The following CPN1 variants were observed in gnomAD, a reference collection of about 807,000 sequenced individuals.
CPN1 encodes carboxypeptidase N catalytic chain.
A neutral mutation model predicts 46.4 loss-of-function variants in CPN1; 37 were observed. The observed-to-expected ratio is 0.80, with a 90% CI of 0.61 to 1.05. The LOEUF (loss-of-function observed/expected upper bound fraction) is 1.05, where lower values mean the gene tolerates loss of function less well. Among genes scored for constraint, CPN1 ranks in the 50% least tolerant of loss-of-function variants. The pLI is 0.00. For synonymous variants in CPN1, 224 were observed against 235.4 expected (o/e 0.95, Z 0.44); for missense variants, 563 against 602.6 (o/e 0.93, Z 0.69).
At chr10:100,049,994 T>A (rs1035877671) in intron 7 of CPN1, among the ~76,000 whole-genome samples, 16 of 152,268 alleles carry the variant, frequency 1.1e-4, no homozygotes, top group Admixed American at 5.9e-4. Context: ...GATGTCTATC[T>A]AAAGAAATAA....
chr10:100,048,885 C>A lies in CPN1; in HGVS notation c.1112-9G>T. 1 of 1,591,774 alleles carries A rather than the reference C, an allele frequency of 6.3e-7. No individual in the cohort carries two copies. Among genetic ancestry groups the A allele is most frequent in the South Asian group, 1.1e-5 (1 of 90,504 alleles). On this transcript the variant is annotated splice_polypyrimidine_tract_variant and intron_variant, in intron 7 of 8. Transcript: ENST00000370418. ...GTAATCACCATGGTCACCTGAAAGT[C>A]ACAAAGATATAACTCAGTCTACTGA...
chr10:100,074,484 C>T (rs1289600049), intron 2 of CPN1, among the ~76,000 whole-genome samples: 9 of 152,170 alleles, frequency 5.9e-5, no homozygotes, highest in East Asian at 1.9e-4. Flanking sequence ...GGCACGATCT[C>T]GGCTCACCAC....
chr10:100,053,937 G>A (rs1326083094), intron 7 of CPN1, among the ~76,000 whole-genome samples: 7 of 151,934 alleles, frequency 4.6e-5, no homozygotes, highest in Admixed American at 1.3e-4. Flanking sequence ...CCAAGTCAGC[G>A]ACAAGGCTAA....
Position 100,065,266 on chromosome 10 carries a change from G to C in CPN1, c.681C>G (p.Asp227Glu). 1 of 1,614,160 alleles carries C rather than the reference G, an allele frequency of 6.2e-7. No homozygotes were observed. The highest frequency in any genetic ancestry group is 1.1e-5 in the South Asian group (1 of 91,076). Residue 227 changes from aspartate (D) to glutamate (E), a missense_variant, in exon 4 of 9, where the codon GAC becomes GAG. Coordinates refer to ENST00000370418, the MANE Select transcript of CPN1 (RefSeq NM_001308.3). ...GGAVVANYPY[D>E]KSFEHRVRGV... ...CTCGGACCCGGTGCTCAAAGGACTT[G>C]TCATACGGGTAATTGGCCACCACCG...
chr10:100,065,305 A>G lies in CPN1; in HGVS notation c.642T>C (p.Asn214=), dbSNP rs1231549990. The change falls in exon 4 of 9, where the codon AAT becomes AAC. Residue 214 remains asparagine (N), a synonymous_variant. Transcript: ENST00000370418. ...TGGCCACCACCGCCCCTCCGTGGAG[A>G]TTGGCTGAAAGAACAAAGTTGAAGG... ...MHSFNFVLSA[N]LHGGAVVANY... 3 of 1,614,076 alleles carry G rather than the reference A, an allele frequency of 1.9e-6. No homozygotes were observed. The highest frequency in any genetic ancestry group is 2.5e-6 in the Non-Finnish European group (3 of 1,179,974).
At chr10:100,066,778 G>A (rs942413953) in intron 3 of CPN1, among the ~76,000 whole-genome samples, 5 of 152,192 alleles carry the variant, frequency 3.3e-5, no homozygotes, top group African/African-American at 1.2e-4. Context: ...ATCCCAAGGG[G>A]ACTGGATAAA....
chr10:100,074,140 G>C (rs957603972), intron 2 of CPN1, among the ~76,000 whole-genome samples: 1 of 152,134 alleles, frequency 6.6e-6, no homozygotes, highest in African/African-American at 2.4e-5. Flanking sequence ...CATATTCATA[G>C]GTTCTGAGGA....
At chr10:100,067,918 C>T (rs2041463419) in intron 3 of CPN1, among the ~76,000 whole-genome samples, 1 of 152,034 alleles carries the variant, frequency 6.6e-6, no homozygotes, top group South Asian at 2.1e-4. Context: ...CTTTGGGAGG[C>T]TGAGGTGGGC....
rs1156287676 is a variant in CPN1 at position 100,063,616 on chromosome 10, T to C, written c.869A>G (p.Lys290Arg). 2 of 1,610,994 alleles carry C rather than the reference T, an allele frequency of 1.2e-6. No individual in the cohort carries two copies. Among genetic ancestry groups the C allele is most frequent in the Non-Finnish European group, 1.7e-6 (2 of 1,177,356 alleles). ...TNGASWYSLS[K>R]GMQDFNYLHT... ...GCAGTTCCCAGGACTCCCCTTACCC[T>C]TGCTGAGAGAATACCAGGAAGCCCC... Residue 290 changes from lysine to arginine, a missense_variant and splice_region_variant, in exon 5 of 9, where the codon AAG becomes AGG. Transcript: ENST00000370418.
At chr10:100,068,925 G>A (rs1253323624) in intron 3 of CPN1, among the ~76,000 whole-genome samples, 2 of 152,220 alleles carry the variant, frequency 1.3e-5, no homozygotes, top group African/African-American at 2.4e-5. Context: ...TCTGTCCACA[G>A]TCTAGTGTAG....
At chr10:100,079,202 T>C (rs992622863) in intron 1 of CPN1, among the ~76,000 whole-genome samples, 1 of 152,260 alleles carries the variant, frequency 6.6e-6, no homozygotes, top group African/African-American at 2.4e-5. Flanking sequence ...TGATGTAATA[T>C]GTATTTACGT....
chr10:100,060,077 A>G (rs1479289757), intron 5 of CPN1, among the ~76,000 whole-genome samples: 1 of 152,190 alleles, frequency 6.6e-6, no homozygotes, highest in Non-Finnish European at 1.5e-5. Context: ...GGTGGTTGCC[A>G]GGGGCTGGGG....
intron 6 of CPN1, among the ~76,000 whole-genome samples, chr10:100,055,724 A>C (rs2041381534): frequency 6.6e-6 from 1 of 152,074 alleles, no homozygotes; most frequent in Admixed American, 6.6e-5. Flanking sequence ...GGGTTTCTCC[A>C]TGTTGGTCAG....
chr10:100,080,760 G>A (rs768290524), intron 1 of CPN1, among the ~76,000 whole-genome samples: 1 of 152,074 alleles, frequency 6.6e-6, no homozygotes, highest in Non-Finnish European at 1.5e-5. Flanking sequence ...GGGCGTATTG[G>A]TGCATGCCTG....
intron 2 of CPN1, among the ~76,000 whole-genome samples, chr10:100,075,065 G>A (rs1298781727): frequency 6.6e-6 from 1 of 152,126 alleles, no homozygotes; most frequent in Non-Finnish European, 1.5e-5. Flanking sequence ...TGAGGTGGGT[G>A]GATCACCTGA....
Position 100,081,828 on chromosome 10 carries a change from A to T in CPN1, c.-203T>A. 1.7e-6 allele frequency: 1 copy of T among 593,004 alleles called. No homozygotes were observed. The highest frequency in any genetic ancestry group is 3.1e-6 in the Non-Finnish European group (1 of 327,544). The allele number at this position is 593,004 out of a possible 1,614,324, so 36.7% of individuals were successfully genotyped here. ...AATAGCCACTCATCTCTCCTCCCTC[A>T]CTCCCTTTCTTTCTCTAATCCAGGA... On this transcript the variant is annotated 5_prime_UTR_variant, in exon 1 of 9. Coordinates refer to ENST00000370418, the MANE Select transcript of CPN1 (RefSeq NM_001308.3).
Position 100,069,585 on chromosome 10 carries a change from G to T in CPN1, c.576+129C>A, listed in dbSNP as rs541163296. On this transcript the variant is annotated intron_variant, in intron 3 of 8. Coordinates refer to ENST00000370418, the MANE Select transcript of CPN1 (RefSeq NM_001308.3). ...GAAATATATATTATTGCTCTAGATG[G>T]GTTAATACTGAGTTGAGTTGATGCT... The T allele has an allele frequency of 5.6e-6, 6 of 1,067,922 alleles. No individual in the cohort carries two copies. In the East Asian group the frequency reaches 7.1e-5, roughly 13 times the overall value. The allele number at this position is 1,067,922 out of a possible 1,614,324, so 66.2% of individuals were successfully genotyped here.
At chr10:100,071,162 A>G in intron 2 of CPN1, among the ~76,000 whole-genome samples, 1 of 152,122 alleles carries the variant, frequency 6.6e-6, no homozygotes, top group East Asian at 1.9e-4. Flanking sequence ...GATTTATCAC[A>G]TTTTGTTTAT....
rs1206483863 is a variant in CPN1 at position 100,081,574 on chromosome 10, C to A, written c.52G>T (p.Val18Phe). The change falls in exon 1 of 9, where the codon GTT becomes TTT. Residue 18 changes from valine (V) to phenylalanine (F), a missense_variant. Val to Phe is a conservative substitution (Grantham distance 50, BLOSUM62 -1). Transcript: ENST00000370418. ...FLHLLLLFKLVAPVTFRHHRY... is the reference protein window; with the variant it reads ...FLHLLLLFKLFAPVTFRHHRY... The stretch of plus-strand genomic sequence containing the variant: ...TGGTGGCGAAAGGTCACCGGGGCAA[C>A]CAACTTGAAGAGAAGGAGGAGGTGG... 1.9e-6 allele frequency: 3 copies of A among 1,614,028 alleles called. No homozygotes were observed. Among genetic ancestry groups the A allele is most frequent in the Non-Finnish European group, 2.5e-6 (3 of 1,180,042 alleles).
Sources: allele counts gnomAD v4.1 joint callset (sites outside exome capture counted in the v4.1 genomes callset), GRCh38; gene constraint gnomAD v4.1.1; transcripts MANE v1.5; gene names NCBI Gene and HGNC (gene_info 2026-07-23, HGNC 2026-07-21).